Variants in NBEA observed in about 807,000 individuals in gnomAD.
NBEA encodes lysosomal-trafficking regulator 2.
NBEA carries 44 observed loss-of-function variants against 343.4 expected under a neutral mutation model. The observed-to-expected ratio is 0.13, with a 90% CI of 0.10 to 0.16. The LOEUF (loss-of-function observed/expected upper bound fraction) is 0.16, where lower values mean the gene tolerates loss of function less well. Among genes scored for constraint, NBEA ranks in the 10% least tolerant of loss-of-function variants. The probability of loss-of-function intolerance (pLI) is 1.00; values close to 1 mark genes in which losing one functional copy is unlikely to be tolerated. For synonymous variants in NBEA, 1,175 were observed against 1,238.7 expected (o/e 0.95, Z 1.08); for missense variants, 2,555 against 3,631.3 (o/e 0.70, Z 7.62).
chr13:35,387,658 T>G (rs1189248925), intron 38 of NBEA, among the ~76,000 whole-genome samples: 1 of 152,176 alleles, frequency 6.6e-6, no homozygotes, highest in Non-Finnish European at 1.5e-5. Flanking sequence ...CATACCTTCA[T>G]GCCTACATAG....
rs549630208 is a variant in NBEA, at chr13:35,054,121, G to A, written c.973-1889G>A. Among the ~76,000 whole-genome samples the A allele has an allele frequency of 4.5e-4, 69 of 152,004 alleles. 1 individual carries two copies. The highest frequency in any genetic ancestry group is 1.6e-3 in the African/African-American group (67 of 41,486). On this transcript the variant is annotated intron_variant, in intron 6 of 58. Coordinates refer to ENST00000379939, the MANE Select transcript of NBEA (RefSeq NM_001385012.1). ...TTATCTTAAAACTGTCTTTGGGCAGGAAATCTTTTCCTATATGTAGGCATT... is the reference window on the plus strand; with the variant it reads ...TTATCTTAAAACTGTCTTTGGGCAGAAAATCTTTTCCTATATGTAGGCATT...
At position 35,159,300 on chromosome 13, in the gene NBEA, A is replaced by T; in HGVS notation, c.3129A>T (p.Arg1043Ser). The change falls in exon 22 of 59, where the codon AGA becomes AGT. Residue 1043 changes from arginine (R) to serine (S), a missense_variant. This residue lies in a region of NBEA where 367 missense variants were observed against 377.5 expected (regional missense o/e 0.97). Transcript: ENST00000379939. ...ATGATATTCTTGGAAATTCAGATAGACCAGGAAGTGGTGTACATGTGGAAG... is the reference window on the plus strand; with the variant it reads ...ATGATATTCTTGGAAATTCAGATAGTCCAGGAAGTGGTGTACATGTGGAAG... ...VSDDILGNSD[R>S]PGSGVHVEVH... is the part of the protein sequence containing the mutation. 6.2e-7 allele frequency: 1 copy of T among 1,613,630 alleles called. No individual in the cohort carries two copies. The highest frequency in any genetic ancestry group is 8.5e-7 in the Non-Finnish European group (1 of 1,179,688).
At chr13:34,976,667 T>G (rs1262899696) in intron 1 of NBEA, among the ~76,000 whole-genome samples, 38 of 150,782 alleles carry the variant, frequency 2.5e-4, no homozygotes, top group African/African-American at 9.0e-4. Context: ...TTTTTTTTTT[T>G]TTCATGGAGC....
intron 55 of NBEA, among the ~76,000 whole-genome samples, chr13:35,664,336 T>TC (rs2085247588): frequency 6.6e-6 from 1 of 151,966 alleles, no homozygotes; most frequent in Non-Finnish European, 1.5e-5. Flanking sequence ...AGATAGGGGA[T>TC]CGGGGGTGGT....
At chr13:35,326,302 A>G (rs2038555286) in intron 36 of NBEA, among the ~76,000 whole-genome samples, 1 of 151,990 alleles carries the variant, frequency 6.6e-6, no homozygotes, top group Admixed American at 6.6e-5. Flanking sequence ...TGTGTCATCT[A>G]TGATTTCTTT....
At chr13:35,340,347 A>G (rs1399110845) in intron 36 of NBEA, among the ~76,000 whole-genome samples, 1 of 152,138 alleles carries the variant, frequency 6.6e-6, no homozygotes. Flanking sequence ...AAATAAAATA[A>G]GCCAGTAATA....
At chr13:35,594,276 G>C (rs1187185669) in intron 47 of NBEA, among the ~76,000 whole-genome samples, 1 of 151,916 alleles carries the variant, frequency 6.6e-6, no homozygotes, top group Admixed American at 6.6e-5. Flanking sequence ...ATTCCATTTA[G>C]AGCCTTAAAC....
chr13:34,947,620 A>G (rs1192711357), intron 1 of NBEA, among the ~76,000 whole-genome samples: 2 of 152,130 alleles, frequency 1.3e-5, no homozygotes, highest in East Asian at 1.9e-4. Context: ...GCAGTTATTT[A>G]TGTGTGTTTC....
At chr13:34,971,742 G>A (rs1412021381) in intron 1 of NBEA, among the ~76,000 whole-genome samples, 1 of 151,942 alleles carries the variant, frequency 6.6e-6, no homozygotes, top group African/African-American at 2.4e-5. Flanking sequence ...ATGTGCTGCT[G>A]GATTCAGTTT....
rs928774491 is a variant in NBEA, at chr13:35,445,810, A to G, written c.6305-6282A>G. ...TATATATATATATATATATATATAT[A>G]TATATATGTATATATATATATTATA... On this transcript the variant is annotated intron_variant, in intron 39 of 58. Transcript: ENST00000379939. Among the ~76,000 whole-genome samples, 22 of 135,478 alleles carry G rather than the reference A, an allele frequency of 1.6e-4. No homozygotes were observed. The South Asian group carries it at 2.0e-3, about 12-fold the overall frequency. The allele number at this position is 135,478 out of a possible 152,430, so 88.9% of individuals were successfully genotyped here.
At chr13:35,089,984 G>A (rs1205595220) in intron 10 of NBEA, among the ~76,000 whole-genome samples, 7 of 150,694 alleles carry the variant, frequency 4.6e-5, no homozygotes, top group African/African-American at 1.2e-4. Context: ...TGGGTGCAGC[G>A]CACCAGAATG....
chr13:35,359,859 T>A (rs939341145), intron 38 of NBEA, among the ~76,000 whole-genome samples: 13 of 149,434 alleles, frequency 8.7e-5, no homozygotes, highest in African/African-American at 1.5e-4. Context: ...TGTGTGTGTG[T>A]GAGATCTCAG....
intron 24 of NBEA, among the ~76,000 whole-genome samples, chr13:35,167,814 AAAAG>A (rs2070155448): frequency 6.6e-6 from 1 of 151,832 alleles, no homozygotes; most frequent in Non-Finnish European, 1.5e-5. Context: ...TTGGAGAAGA[AAAAG>A]AAAAGCAAAG....
chr13:35,558,402 T>C (rs1002330681), intron 44 of NBEA, among the ~76,000 whole-genome samples: 3 of 152,164 alleles, frequency 2.0e-5, no homozygotes, highest in Non-Finnish European at 1.5e-5. Flanking sequence ...ATAGGTGACA[T>C]TTAAATTGGG....
chr13:34,946,197 G>A (rs1231404231), intron 1 of NBEA, among the ~76,000 whole-genome samples: 2 of 152,070 alleles, frequency 1.3e-5, no homozygotes, highest in Non-Finnish European at 2.9e-5. Flanking sequence ...GAAACTGATC[G>A]TTAACAAAGT....
chr13:35,627,450 TC>T (rs1436214268), intron 48 of NBEA, among the ~76,000 whole-genome samples: 7 of 152,144 alleles, frequency 4.6e-5, no homozygotes, highest in African/African-American at 1.4e-4. Flanking sequence ...CTTTTTTTTT[TC>T]TTTTTTCTGT....
intron 40 of NBEA, among the ~76,000 whole-genome samples, chr13:35,468,584 C>T (rs1294413432): frequency 2.0e-5 from 3 of 152,082 alleles, no homozygotes; most frequent in African/African-American, 7.2e-5. Flanking sequence ...TGAACTCTTC[C>T]CAAAATCACT....
At chr13:34,973,457 G>C (rs1333259608) in intron 1 of NBEA, among the ~76,000 whole-genome samples, 1 of 152,210 alleles carries the variant, frequency 6.6e-6, no homozygotes, top group Non-Finnish European at 1.5e-5. Flanking sequence ...CTCTGTCCCA[G>C]GAAGTTTTCA....
intron 35 of NBEA, among the ~76,000 whole-genome samples, chr13:35,292,476 A>C (rs528607294): frequency 6.6e-6 from 1 of 151,996 alleles, no homozygotes. Flanking sequence ...CCTTTAATGC[A>C]TCTCTTGTAG....
Sources: allele counts gnomAD v4.1 joint callset (sites outside exome capture counted in the v4.1 genomes callset), GRCh38; gene constraint gnomAD v4.1.1; regional missense constraint gnomAD v4.1.1; transcripts MANE v1.5; gene names NCBI Gene and HGNC (gene_info 2026-07-23, HGNC 2026-07-21).